SEC22A: variants seen among roughly 807,000 people sequenced by gnomAD.
SEC22A encodes SEC22 homolog A, vesicle trafficking protein, also known as vesicle-trafficking protein SEC22a.
A neutral mutation model predicts 35.3 loss-of-function variants in SEC22A; 22 were observed. The ratio of observed to expected loss-of-function variants is 0.62; its 90% CI spans 0.45 to 0.89. SEC22A has a LOEUF of 0.89. SEC22A is among the 40% of genes least tolerant of loss of function. The pLI, the probability that SEC22A is intolerant of heterozygous loss-of-function variation, is 0.00. For missense variants in SEC22A, 354 were observed against 362.5 expected, an observed-to-expected ratio of 0.98 and a Z score of 0.19; for synonymous variants, 119 against 129.5, an observed-to-expected ratio of 0.92 and a Z score of 0.55.
chr3:123,233,102 C>G (rs1399171968), intron 4 of SEC22A, among the ~76,000 whole-genome samples: 1 of 152,104 alleles, frequency 6.6e-6, no homozygotes, highest in Admixed American at 6.5e-5. Flanking sequence ...TGCACTCCAG[C>G]CTGGGTGACA....
At chr3:123,230,400 C>T (rs993979093) in intron 4 of SEC22A, among the ~76,000 whole-genome samples, 2 of 151,948 alleles carry the variant, frequency 1.3e-5, no homozygotes, top group African/African-American at 4.8e-5. Context: ...GAGCTATAAA[C>T]ATATAATTAC....
chr3:123,233,926 A>G (rs1937368637), intron 4 of SEC22A, among the ~76,000 whole-genome samples: 1 of 152,262 alleles, frequency 6.6e-6, no homozygotes, highest in African/African-American at 2.4e-5. Flanking sequence ...CCATTCACAT[A>G]TGACGTAATC....
At chr3:123,213,764 T>G (rs1480028408) in intron 2 of SEC22A, among the ~76,000 whole-genome samples, 2 of 152,182 alleles carry the variant, frequency 1.3e-5, no homozygotes, top group Admixed American at 1.3e-4. Flanking sequence ...CTTTACAGAA[T>G]CTCAAAATCA....
intron 1 of SEC22A, among the ~76,000 whole-genome samples, chr3:123,204,274 A>G (rs1369255462): frequency 6.6e-6 from 1 of 152,224 alleles, no homozygotes; most frequent in African/African-American, 2.4e-5. Context: ...ATAAAGGACA[A>G]GAAAAGTAAG....
intron 4 of SEC22A, among the ~76,000 whole-genome samples, chr3:123,239,842 A>G (rs1278061168): frequency 6.6e-6 from 1 of 151,940 alleles, no homozygotes; most frequent in African/African-American, 2.4e-5. Flanking sequence ...ATTAGATCCC[A>G]TTTGTCAATT....
intron 4 of SEC22A, among the ~76,000 whole-genome samples, chr3:123,236,813 G>GCA (rs149939306): frequency 0.16 from 24,106 of 150,670 alleles, 2,065 homozygotes; most frequent in Middle Eastern, 0.25. Flanking sequence ...TAAGAAACAC[G>GCA]CACACACACA....
chr3:123,217,314 C>T (rs912347911), intron 2 of SEC22A, among the ~76,000 whole-genome samples: 1 of 152,076 alleles, frequency 6.6e-6, no homozygotes, highest in African/African-American at 2.4e-5. Context: ...TCTCCTGCCT[C>T]AGCCTCCTGA....
intron 2 of SEC22A, among the ~76,000 whole-genome samples, chr3:123,222,321 C>T (rs1212770927): frequency 2.6e-5 from 4 of 152,092 alleles, no homozygotes; most frequent in Non-Finnish European, 5.9e-5. Context: ...GCCTCAGCCT[C>T]CTGAATAGCT....
chr3:123,206,798 A>G (rs576626902), intron 1 of SEC22A, among the ~76,000 whole-genome samples: 23 of 152,320 alleles, frequency 1.5e-4, no homozygotes, highest in Non-Finnish European at 2.4e-4. Flanking sequence ...TCTTTAAATG[A>G]ATGGAGAGGC....
At chr3:123,262,456 A>ATG (rs1937914280) in intron 6 of SEC22A, among the ~76,000 whole-genome samples, 2 of 152,324 alleles carry the variant, frequency 1.3e-5, no homozygotes, top group South Asian at 2.1e-4. Flanking sequence ...GCGTGTATAA[A>ATG]CACACCATCC....
chr3:123,257,245 A>ATGTACC (rs2108093734), intron 5 of SEC22A, among the ~76,000 whole-genome samples: 1 of 152,322 alleles, frequency 6.6e-6, no homozygotes, highest in Non-Finnish European at 1.5e-5. Context: ...AGTACTTACT[A>ATGTACC]TGTACCAGTT....
chr3:123,242,475 G>A (rs1937532648), intron 4 of SEC22A, among the ~76,000 whole-genome samples: 1 of 149,918 alleles, frequency 6.7e-6, no homozygotes, highest in African/African-American at 2.5e-5. Flanking sequence ...TAACCTCCAT[G>A]ACATCTTACT....
chr3:123,225,964 T>C (rs59544157), intron 4 of SEC22A, among the ~76,000 whole-genome samples: 32,483 of 152,140 alleles, frequency 0.21, 3,633 homozygotes, highest in Middle Eastern at 0.28. Flanking sequence ...CTTTTCTGTG[T>C]CTAGTTTATT....
At chr3:123,248,291 A>C (rs1937582368) in intron 5 of SEC22A, among the ~76,000 whole-genome samples, 1 of 152,222 alleles carries the variant, frequency 6.6e-6, no homozygotes, top group African/African-American at 2.4e-5. Context: ...AGATGACATG[A>C]CTAAGTAGGA....
chr3:123,207,959 C>T (rs1936877900), intron 1 of SEC22A, among the ~76,000 whole-genome samples: 1 of 152,018 alleles, frequency 6.6e-6, no homozygotes, highest in South Asian at 2.1e-4. Context: ...TAGTATATGT[C>T]TACTGTGAAT....
chr3:123,253,609 G>T (rs1320905821), intron 5 of SEC22A, among the ~76,000 whole-genome samples: 1 of 151,934 alleles, frequency 6.6e-6, no homozygotes, highest in Admixed American at 6.6e-5. Context: ...TTACTCCGCA[G>T]GCTGAGGCAG....
Position 123,203,053 on chromosome 3 carries a change from C to CTTTTTTTTTTTTTTTTTTTT in SEC22A, c.-20+1082_-20+1101dup, listed in dbSNP as rs779433710. Among the ~76,000 whole-genome samples, 10 of 43,840 alleles carry CTTTTTTTTTTTTTTTTTTTT rather than the reference C, an allele frequency of 2.3e-4. 1 individual carries two copies. The highest frequency in any genetic ancestry group is 6.7e-4 in the Admixed American group (2 of 2,988). The allele number at this position is 43,840 out of a possible 152,430, so 28.8% of individuals were successfully genotyped here. On this transcript the variant is annotated intron_variant, in intron 1 of 6. Coordinates refer to ENST00000492595, the MANE Select transcript of SEC22A (RefSeq NM_012430.5). ...GAAAACCATCACATCTGTTTAGTGC[C>CTTTTTTTTTTTTTTTTTTTT]TTTTTTTTTTTTTTTTTTTTTTTTT...
At chr3:123,243,413 C>T (rs1295442204) in intron 4 of SEC22A, among the ~76,000 whole-genome samples, 1 of 152,092 alleles carries the variant, frequency 6.6e-6, no homozygotes, top group Non-Finnish European at 1.5e-5. Context: ...GCTGTTGTTA[C>T]TCGTTTCTCC....
At chr3:123,209,435 C>G in intron 2 of SEC22A, 36 bp downstream of exon 2, 1 of 1,539,034 alleles carries the variant, frequency 6.5e-7, no homozygotes. Context: ...ACTCATTTGC[C>G]CAGTAGTTGT....
Sources: gnomAD v4.1 joint callset for allele counts (sites outside exome capture counted in the v4.1 genomes callset) on GRCh38, gnomAD v4.1.1 for gene constraint, MANE v1.5 for transcripts, NCBI Gene and HGNC (gene_info 2026-07-23, HGNC 2026-07-21) for gene names.